The following NHSL2 variants were observed in gnomAD, a reference collection of about 807,000 sequenced individuals.
NHSL2 encodes the protein NHS-like protein 2.
Under a neutral mutation model 53.4 loss-of-function variants are expected in NHSL2, and 27 were observed. The ratio of observed to expected loss-of-function variants is 0.51; its 90% CI spans 0.37 to 0.70. The LOEUF (loss-of-function observed/expected upper bound fraction) is 0.70. Ranked by LOEUF, NHSL2 falls within the 30% of genes least tolerant of loss-of-function variation. The probability of loss-of-function intolerance (pLI) is 0.00; values close to 1 mark genes in which losing one functional copy is unlikely to be tolerated. For missense variants in NHSL2, 892 were observed against 980.1 expected, an observed-to-expected ratio of 0.91 and a Z score of 1.20; for synonymous variants, 408 against 404.1, an observed-to-expected ratio of 1.01 and a Z score of -0.12.
chrX:72,131,892 C>T, intron 1 of NHSL2, 187 bp from the exon 2 acceptor site: 1 of 404,701 alleles, frequency 2.5e-6, no homozygotes, highest in South Asian at 3.8e-5. Context: ...CGGGAGGGAG[C>T]GGACTGCGGC....
intron 1 of NHSL2, among the ~76,000 whole-genome samples, chrX:71,942,266 G>C (rs2041769710): frequency 8.9e-6 from 1 of 112,224 alleles, no homozygotes; most frequent in African/African-American, 3.2e-5. Context: ...CCCCTCCCCA[G>C]GCACCCTGAT....
intron 1 of NHSL2, among the ~76,000 whole-genome samples, chrX:72,034,782 T>C (rs190582966): frequency 5.3e-4 from 59 of 112,147 alleles, no homozygotes; most frequent in African/African-American, 1.9e-3. Flanking sequence ...ATTCCTGACA[T>C]TGGTGATTTG....
At chrX:71,948,827 C>CAA (rs55981141) in intron 1 of NHSL2, among the ~76,000 whole-genome samples, 3 of 83,101 alleles carry the variant, frequency 3.6e-5, no homozygotes, top group African/African-American at 1.5e-4. Flanking sequence ...AAGACTCTGT[C>CAA]AAAAAAAAAA....
At chrX:71,912,231 C>G (rs1202690569) in intron 1 of NHSL2, among the ~76,000 whole-genome samples, 1 of 112,232 alleles carries the variant, frequency 8.9e-6, no homozygotes, top group Non-Finnish European at 1.9e-5. Context: ...TGTTTTGGAT[C>G]CCAGCACTTT....
chrX:71,960,404 G>A (rs2041862461), intron 1 of NHSL2, among the ~76,000 whole-genome samples: 1 of 111,684 alleles, frequency 9.0e-6, no homozygotes, highest in African/African-American at 3.3e-5. Context: ...TTCTTTTGTT[G>A]CTTATGCTTT....
intron 1 of NHSL2, among the ~76,000 whole-genome samples, chrX:71,960,964 C>T (rs767031822): frequency 1.8e-5 from 2 of 111,953 alleles, no homozygotes; most frequent in East Asian, 2.8e-4. Context: ...AGATTGTTTT[C>T]GGTAGTATTG....
chrX:71,950,052 A>G (rs1193520413), intron 1 of NHSL2, among the ~76,000 whole-genome samples: 1 of 113,474 alleles, frequency 8.8e-6, no homozygotes, highest in Non-Finnish European at 1.9e-5. Context: ...CCACCTGAGC[A>G]TGCGCTTTCG....
At chrX:71,917,570 A>G (rs1159122910) in intron 1 of NHSL2, among the ~76,000 whole-genome samples, 1 of 110,413 alleles carries the variant, frequency 9.1e-6, no homozygotes, top group Non-Finnish European at 1.9e-5. Context: ...GCAGGCCCAC[A>G]GTCCAGTGGG....
At chrX:71,984,852 C>T (rs1224148356) in intron 1 of NHSL2, among the ~76,000 whole-genome samples, 10 of 90,608 alleles carry the variant, frequency 1.1e-4, no homozygotes, top group Non-Finnish European at 2.1e-4. Flanking sequence ...GAGATGGAGT[C>T]TTGCTCTGTC....
At chrX:72,039,431 T>A (rs1408091431) in intron 1 of NHSL2, among the ~76,000 whole-genome samples, 1 of 111,793 alleles carries the variant, frequency 8.9e-6, no homozygotes, top group Non-Finnish European at 1.9e-5. Flanking sequence ...TTTTTCCCTG[T>A]TTATAAACAA....
At chrX:71,966,279 T>C (rs1176958219) in intron 1 of NHSL2, among the ~76,000 whole-genome samples, 2 of 111,991 alleles carry the variant, frequency 1.8e-5, no homozygotes, top group Non-Finnish European at 3.8e-5. Context: ...ATTTCTTCCT[T>C]CCCAATCTAT....
chrX:72,048,766 G>A (rs937428777), intron 1 of NHSL2, among the ~76,000 whole-genome samples: 6 of 109,804 alleles, frequency 5.5e-5, no homozygotes, highest in African/African-American at 1.7e-4. Context: ...GTAGAAAAGC[G>A]TGTGCCTCCC....
intron 1 of NHSL2, among the ~76,000 whole-genome samples, chrX:71,994,863 A>G (rs2042043252): frequency 9.0e-6 from 1 of 111,676 alleles, no homozygotes; most frequent in African/African-American, 3.3e-5. Context: ...TTGCTGAGTG[A>G]GTGAGTAGAT....
Position 72,146,692 on chromosome X carries a change from C to T in NHSL2, c.*3118C>T, listed in dbSNP as rs888021277. On this transcript the variant is annotated 3_prime_UTR_variant, in exon 8 of 8. Coordinates refer to ENST00000633930, the MANE Select transcript of NHSL2 (RefSeq NM_001013627.3). The stretch of plus-strand genomic sequence containing the variant: ...GGAGGTTAATTGTTAACCAAGGATG[C>T]TTTGCATTTGGTGGGTAGTCAGTAC... 1.8e-5 allele frequency: 2 copies of T among 111,460 alleles called. No homozygotes were observed. Among genetic ancestry groups the T allele is most frequent in the African/African-American group, 6.5e-5 (2 of 30,546 alleles). The allele number at this position is 111,460 out of a possible 1,213,427, so 9.2% of individuals were successfully genotyped here. A position where few individuals can be genotyped will look rare whatever the true frequency, so the allele number is the denominator to read the frequency against.
At chrX:71,923,478 T>C (rs1350471263) in intron 1 of NHSL2, among the ~76,000 whole-genome samples, 4 of 112,246 alleles carry the variant, frequency 3.6e-5, no homozygotes, top group Non-Finnish European at 7.5e-5. Flanking sequence ...CTTTGCAGGG[T>C]ACCCTTGTAG....
intron 1 of NHSL2, among the ~76,000 whole-genome samples, chrX:72,115,170 C>T (rs1218741099): frequency 1.8e-5 from 2 of 111,011 alleles, no homozygotes; most frequent in Non-Finnish European, 3.8e-5. Flanking sequence ...AACACAGCTG[C>T]CCAAATTTTC....
intron 1 of NHSL2, among the ~76,000 whole-genome samples, chrX:72,089,589 G>T (rs775758534): frequency 8.6e-4 from 95 of 111,072 alleles, no homozygotes; most frequent in Middle Eastern, 4.7e-3. Context: ...CACCTGCTTG[G>T]GGCTGGGGAG....
rs184797125 is a variant in NHSL2, at chrX:72,057,547, C to T, written c.281-74532C>T. On this transcript the variant is annotated intron_variant, in intron 1 of 7. Coordinates refer to ENST00000633930, the MANE Select transcript of NHSL2 (RefSeq NM_001013627.3). ...ACTTCTCCCTTCCTCTGAGACTGTA[C>T]ATCTTGGTTCTGCCAACTGTCCATG... 3.6e-5 allele frequency among the ~76,000 whole-genome samples: 4 copies of T among 111,821 alleles called. No homozygotes were observed. In the Admixed American group the frequency reaches 3.8e-4, roughly 11 times the overall value.
At chrX:71,946,401 T>C (rs1251267134) in intron 1 of NHSL2, among the ~76,000 whole-genome samples, 1 of 111,743 alleles carries the variant, frequency 8.9e-6, no homozygotes, top group Non-Finnish European at 1.9e-5. Context: ...ATGATGGAAG[T>C]GTTTATAGCA....
Sources: gnomAD v4.1 joint callset for allele counts (sites outside exome capture counted in the v4.1 genomes callset) on GRCh38, gnomAD v4.1.1 for gene constraint, MANE v1.5 for transcripts, NCBI Gene and HGNC (gene_info 2026-07-23, HGNC 2026-07-21) for gene names.